Variants in HBS1L observed in about 807,000 individuals in gnomAD.
HBS1L encodes HBS1 like translational GTPase.
HBS1L carries 55 observed loss-of-function variants against 88.9 expected under a neutral mutation model. The observed-to-expected ratio is 0.62, with a 90% CI of 0.50 to 0.77. The LOEUF (loss-of-function observed/expected upper bound fraction) is 0.77, where lower values mean the gene tolerates loss of function less well. Ranked by LOEUF, HBS1L falls within the 30% of genes least tolerant of loss-of-function variation. The pLI is 0.00. For missense variants in HBS1L, 741 were observed against 829.3 expected, an observed-to-expected ratio of 0.89 and a Z score of 1.31; for synonymous variants, 267 against 288.5, an observed-to-expected ratio of 0.93 and a Z score of 0.76.
At chr6:135,010,552 C>A (rs1056331277) in intron 4 of HBS1L, among the ~76,000 whole-genome samples, 1 of 152,046 alleles carries the variant, frequency 6.6e-6, no homozygotes. Flanking sequence ...ATAATAGGAT[C>A]AAGAAGTACT....
At position 134,964,774 on chromosome 6, in the gene HBS1L, A is replaced by G. The variant is rs998812200; in HGVS notation, c.*505T>C. On this transcript the variant is annotated 3_prime_UTR_variant, in exon 18 of 18. Coordinates refer to ENST00000367837, the MANE Select transcript of HBS1L (RefSeq NM_006620.4). ...GAGGGACATTCTTATGGTCACCACA[A>G]AATACTTTTATTATAACCTTCCCCA... 1 of 152,488 alleles carries G rather than the reference A, an allele frequency of 6.6e-6. No individual in the cohort carries two copies. The highest frequency in any genetic ancestry group is 2.4e-5 in the African/African-American group (1 of 41,046). 9.4% of individuals were successfully genotyped at this position (152,488 alleles called of 1,614,324 possible).
chr6:134,976,325 T>C (rs1442860592), intron 15 of HBS1L, among the ~76,000 whole-genome samples: 1 of 152,114 alleles, frequency 6.6e-6, no homozygotes, highest in Non-Finnish European at 1.5e-5. Context: ...TGGATTGGTA[T>C]AGCCTCTGAG....
intron 4 of HBS1L, chr6:135,027,102 G>A (rs1776249170): frequency 7.1e-6 from 1 of 140,984 alleles, no homozygotes; most frequent in Non-Finnish European, 1.5e-5. Flanking sequence ...TGAGGCCGGA[G>A]AACAGCTTGA....
intron 4 of HBS1L, among the ~76,000 whole-genome samples, chr6:135,035,550 C>T (rs112197501): frequency 0.035 from 5,292 of 151,252 alleles, 326 homozygotes; most frequent in African/African-American, 0.12. Context: ...ACCATCCTGG[C>T]CAACACGGTG....
chr6:134,987,037 T>A (rs1184690952), intron 9 of HBS1L, among the ~76,000 whole-genome samples: 2 of 152,082 alleles, frequency 1.3e-5, no homozygotes, highest in Admixed American at 1.3e-4. Context: ...AAAACGTACA[T>A]TCCCTTACGC....
intron 4 of HBS1L, among the ~76,000 whole-genome samples, chr6:135,020,027 T>C (rs1051457397): frequency 6.6e-6 from 1 of 151,800 alleles, no homozygotes; most frequent in Non-Finnish European, 1.5e-5. Context: ...AAAATCCCTA[T>C]ATGTATGTGT....
At chr6:135,028,775 TC>T (rs1776307538) in intron 4 of HBS1L, among the ~76,000 whole-genome samples, 1 of 152,162 alleles carries the variant, frequency 6.6e-6, no homozygotes, top group Non-Finnish European at 1.5e-5. Context: ...TCTAATGTTA[TC>T]TAAAGCCTTT....
chr6:134,974,132 G>A (rs146621232), intron 15 of HBS1L, among the ~76,000 whole-genome samples: 281 of 151,986 alleles, frequency 1.8e-3, no homozygotes, highest in Middle Eastern at 6.8e-3. Flanking sequence ...AAACACCTCC[G>A]TGCACACACT....
intron 4 of HBS1L, among the ~76,000 whole-genome samples, chr6:135,018,391 T>C (rs1775981656): frequency 6.6e-6 from 1 of 151,984 alleles, no homozygotes; most frequent in South Asian, 2.1e-4. Flanking sequence ...CAGCCTCCTA[T>C]CACACTAGAA....
In HBS1L at chr6:134,966,209, C is replaced by T. The variant is rs1583051205; in HGVS notation, c.2043+120G>A. The T allele has an allele frequency of 7.2e-6, 6 of 829,132 alleles. No individual in the cohort carries two copies. The East Asian group carries it at 1.6e-4, about 22-fold the overall frequency. 51.4% of individuals were successfully genotyped at this position (829,132 alleles called of 1,614,324 possible). Reference sequence around the variant, plus strand: ...CCACTACAACCTAAAATGAGTAAGGCTTCTCCTAATCAATGCTTTTTCTTT... The same window carrying T: ...CCACTACAACCTAAAATGAGTAAGGTTTCTCCTAATCAATGCTTTTTCTTT... On this transcript the variant is annotated intron_variant, in intron 17 of 17. Coordinates refer to ENST00000367837, the MANE Select transcript of HBS1L (RefSeq NM_006620.4).
At chr6:135,020,863 G>A (rs1221384503) in intron 4 of HBS1L, among the ~76,000 whole-genome samples, 4 of 151,850 alleles carry the variant, frequency 2.6e-5, no homozygotes, top group African/African-American at 9.7e-5. Context: ...TCTATGTGTG[G>A]TTGTCAGAAA....
At chr6:135,004,629 G>A (rs1308296060) in intron 4 of HBS1L, among the ~76,000 whole-genome samples, 2 of 152,028 alleles carry the variant, frequency 1.3e-5, no homozygotes, top group African/African-American at 4.8e-5. Flanking sequence ...TTACCAAAAT[G>A]AGGTAAGCAA....
In HBS1L at chr6:134,987,617, AACAAATCTCC is replaced by A; in HGVS notation, c.1230+18_1230+27del. On this transcript the variant is annotated intron_variant, in intron 9 of 17. Coordinates refer to ENST00000367837, the MANE Select transcript of HBS1L (RefSeq NM_006620.4). ...GAATAACATCTTAATTAGCATCTTA[AACAAATCTCC>A]ACAAAGCCCTTAAATACCTGATCCA... is the stretch of plus-strand genomic sequence containing the variant. 6.4e-7 allele frequency: 1 copy of A among 1,558,604 alleles called. No individual in the cohort carries two copies. Among genetic ancestry groups the A allele is most frequent in the African/African-American group, 1.4e-5 (1 of 72,668 alleles).
intron 4 of HBS1L, among the ~76,000 whole-genome samples, chr6:135,033,274 T>G (rs773606125): frequency 6.6e-6 from 1 of 152,212 alleles, no homozygotes; most frequent in Non-Finnish European, 1.5e-5. Flanking sequence ...CTAAAACACG[T>G]AGCATACCTG....
chr6:134,978,400 C>T (rs1774713777), intron 15 of HBS1L, among the ~76,000 whole-genome samples: 1 of 151,856 alleles, frequency 6.6e-6, no homozygotes, highest in African/African-American at 2.4e-5. Flanking sequence ...GAAAATGTGT[C>T]TATCATTTTT....
At chr6:135,036,458 T>C (rs1025871556) in intron 4 of HBS1L, 8 of 1,370,194 alleles carry the variant, frequency 5.8e-6, no homozygotes, top group Middle Eastern at 2.1e-4. Context: ...ACAATTTTCA[T>C]AAAAATCAGA....
rs1473044318 is a variant in HBS1L at position 134,997,515 on chromosome 6, C to T, written c.681G>A (p.Glu227=). 5.6e-6 allele frequency: 9 copies of T among 1,614,108 alleles called. 1 individual carries two copies. In the East Asian group the frequency reaches 6.7e-5, roughly 12 times the overall value. The part of the protein sequence containing the change: ...NPPHTIQASE[E]QSSTPAPVKK... ...TCACCGGTGCTGGGGTTGAACTCTG[C>T]TCTTCTGATGCTTGAATCGTGTGGG... The change falls in exon 6 of 18, where the codon GAG becomes GAA. Residue 227 remains glutamate, a synonymous_variant. Coordinates refer to ENST00000367837, the MANE Select transcript of HBS1L (RefSeq NM_006620.4).
intron 5 of HBS1L, among the ~76,000 whole-genome samples, chr6:135,001,509 C>G (rs1775458854): frequency 6.6e-6 from 1 of 151,880 alleles, no homozygotes; most frequent in Non-Finnish European, 1.5e-5. Context: ...ATGTAAAAAT[C>G]CCATAATAGA....
intron 15 of HBS1L, among the ~76,000 whole-genome samples, chr6:134,976,057 G>GA (rs1393675552): frequency 6.6e-6 from 1 of 151,350 alleles, no homozygotes; most frequent in Non-Finnish European, 1.5e-5. Flanking sequence ...AAATCAGCAA[G>GA]AAAAAAAAGC....
Sources: allele counts gnomAD v4.1 joint callset (sites outside exome capture counted in the v4.1 genomes callset), GRCh38; gene constraint gnomAD v4.1.1; transcripts MANE v1.5; gene names NCBI Gene and HGNC (gene_info 2026-07-23, HGNC 2026-07-21).